PERCC1: variants seen among roughly 807,000 people sequenced by gnomAD.
PERCC1 encodes the protein proline and glutamate rich with coiled coil 1, also known as protein PERCC1.
rs1356156073 is a variant in PERCC1, at chr16:1,433,740, G to A, written c.*343G>A. On this transcript the variant is annotated 3_prime_UTR_variant, in exon 2 of 2. Transcript: ENST00000640283. ...AGATTCCAGGTGAGCAGCAAGGGGC[G>A]GTGGAGGACAGAGCCCCCCGAGCCA... Among the ~76,000 whole-genome samples, 2 of 152,178 alleles carry A rather than the reference G, an allele frequency of 1.3e-5. No individual in the cohort carries two copies. The highest frequency in any genetic ancestry group is 6.5e-5 in the Admixed American group (1 of 15,288).
In PERCC1 at chr16:1,433,187, G is replaced by A; in HGVS notation, c.594G>A (p.Leu198=). Residue 198 remains leucine (L), a synonymous_variant, in exon 2 of 2, where the codon CTG becomes CTA. Transcript: ENST00000640283. Reference sequence around the variant, plus strand: ...CAGCGGCCGGCTGGAGCCTGACGCTGGAGCGGAAGTACGGCCACATCACCC... The same window carrying A: ...CAGCGGCCGGCTGGAGCCTGACGCTAGAGCGGAAGTACGGCCACATCACCC... The part of the protein sequence containing the change: ...SRAAAGWSLT[L]ERKYGHITPM... 1 of 398,648 alleles carries A rather than the reference G, an allele frequency of 2.5e-6. No homozygotes were observed. The highest frequency in any genetic ancestry group is 4.4e-6 in the Non-Finnish European group (1 of 226,048). The allele number at this position is 398,648 out of a possible 1,614,324, so 24.7% of individuals were successfully genotyped here.
Position 1,433,030 on chromosome 16 carries a change from A to G in PERCC1, c.437A>G (p.Glu146Gly). Residue 146 changes from glutamate to glycine, a missense_variant, in exon 2 of 2, where the codon GAG becomes GGG. Physicochemically the swap from Glu to Gly is moderately conservative, Grantham distance 98. Coordinates refer to ENST00000640283, the MANE Select transcript of PERCC1 (RefSeq NM_001365310.2). ...GCCCGTGGCGGGTCCCTGGAGGACGAGGACACCCCGGAGCCCAGGGTACCC... is the reference window on the plus strand; with the variant it reads ...GCCCGTGGCGGGTCCCTGGAGGACGGGGACACCCCGGAGCCCAGGGTACCC... Reference protein sequence around the residue: ...RLARGGSLEDEDTPEPRVPQG... With the variant: ...RLARGGSLEDGDTPEPRVPQG... 2.5e-6 allele frequency: 1 copy of G among 398,644 alleles called. No homozygotes were observed. The highest frequency in any genetic ancestry group is 4.4e-6 in the Non-Finnish European group (1 of 226,038). 24.7% of individuals were successfully genotyped at this position (398,644 alleles called of 1,614,324 possible).
chr16:1,431,796 A>G (rs4984836), intron 1 of PERCC1, among the ~76,000 whole-genome samples: 140,357 of 152,194 alleles, frequency 0.92, 64,847 homozygotes, highest in East Asian at 1. Context: ...CCTGACCCAG[A>G]TACCTCACTT....
At position 1,434,374 on chromosome 16, in the gene PERCC1, A is replaced by T; in HGVS notation, c.*977A>T. ...GGCTGTCTCCCAGCACACATCAGGG[A>T]ACCTCAGCTCTAATGAGTACAAAGC... On this transcript the variant is annotated 3_prime_UTR_variant, in exon 2 of 2. Coordinates refer to ENST00000640283, the MANE Select transcript of PERCC1 (RefSeq NM_001365310.2). The T allele has an allele frequency of 1.9e-6, 3 of 1,545,500 alleles. No homozygotes were observed. Among genetic ancestry groups the T allele is most frequent in the Non-Finnish European group, 2.6e-6 (3 of 1,143,828 alleles).
Position 1,432,395 on chromosome 16 carries a change from C to G in PERCC1, c.-47-152C>G, listed in dbSNP as rs113661174. On this transcript the variant is annotated intron_variant, in intron 1 of 1. Coordinates refer to ENST00000640283, the MANE Select transcript of PERCC1 (RefSeq NM_001365310.2). ...CTCCATGCCTCACTCCTGTGGCAAT[C>G]CGTGCCCTCGACAAGCACAACTGGG... Among the ~76,000 whole-genome samples, 1,160 of 152,348 alleles carry G rather than the reference C, an allele frequency of 7.6e-3. 14 individuals are homozygous for G. Among genetic ancestry groups the G allele is most frequent in the African/African-American group, 0.027 (1,103 of 41,578 alleles).
intron 1 of PERCC1, among the ~76,000 whole-genome samples, chr16:1,432,223 T>C (rs986109660): frequency 3.3e-5 from 5 of 151,758 alleles, no homozygotes; most frequent in African/African-American, 1.2e-4. Context: ...AATGTCCCCA[T>C]GTCCCCAACT....
chr16:1,432,662 G>A lies in PERCC1; in HGVS notation c.69G>A (p.Leu23=). The A allele has an allele frequency of 2.5e-6, 1 of 400,556 alleles. No homozygotes were observed. Among genetic ancestry groups the A allele is most frequent in the Non-Finnish European group, 4.4e-6 (1 of 227,268 alleles). The allele number at this position is 400,556 out of a possible 1,614,324, so 24.8% of individuals were successfully genotyped here. ...QLPLLRHHPF[L]PSDPEPPETS... ...CCCTGCTGCGCCACCACCCCTTCCTGCCCTCAGATCCGGAGCCCCCAGAGA... is the reference window on the plus strand; with the variant it reads ...CCCTGCTGCGCCACCACCCCTTCCTACCCTCAGATCCGGAGCCCCCAGAGA... The change falls in exon 2 of 2, where the codon CTG becomes CTA. Residue 23 remains leucine (L), a synonymous_variant. Coordinates refer to ENST00000640283, the MANE Select transcript of PERCC1 (RefSeq NM_001365310.2).
In PERCC1 at chr16:1,432,816, G is replaced by A. The variant is rs943273619; in HGVS notation, c.223G>A (p.Glu75Lys). 6 of 398,472 alleles carry A rather than the reference G, an allele frequency of 1.5e-5. No individual in the cohort carries two copies. Among genetic ancestry groups the A allele is most frequent in the Admixed American group, 4.4e-5 (1 of 22,714 alleles). The allele number at this position is 398,472 out of a possible 1,614,324, so 24.7% of individuals were successfully genotyped here. A position where few individuals can be genotyped will look rare whatever the true frequency, so the allele number is the denominator to read the frequency against. The change falls in exon 2 of 2, where the codon GAG (glutamate) becomes AAG (lysine). Residue 75 changes from glutamate (E) to lysine (K), a missense_variant. Physicochemically the swap from Glu to Lys is moderately conservative, Grantham distance 56. Coordinates refer to ENST00000640283, the MANE Select transcript of PERCC1 (RefSeq NM_001365310.2). ...AGAGGCCACGGAGGAAGCAGCCCCC[G>A]AGGGTCCCGGCAGCCCCGAGACCCC... ...RAEATEEAAP[E>K]GPGSPETPLQ... is the part of the protein sequence containing the mutation.
At chr16:1,432,509 G>A in intron 1 of PERCC1, 38 bp from the exon 2 acceptor site, 3 of 398,574 alleles carry the variant, frequency 7.5e-6, no homozygotes. Flanking sequence ...GCATGGCCAG[G>A]CCTGACAGGG....
intron 1 of PERCC1, among the ~76,000 whole-genome samples, chr16:1,432,123 G>T (rs1034440182): frequency 5.9e-5 from 9 of 151,858 alleles, no homozygotes; most frequent in African/African-American, 1.9e-4. Flanking sequence ...CTGTTCCCCT[G>T]CCTGGCTTCT....
In PERCC1 at chr16:1,434,085, G is replaced by C. The variant is rs2038474863; in HGVS notation, c.*688G>C. Among the ~76,000 whole-genome samples, 1 of 152,222 alleles carries C rather than the reference G, an allele frequency of 6.6e-6. No homozygotes were observed. Among genetic ancestry groups the C allele is most frequent in the Non-Finnish European group, 1.5e-5 (1 of 68,016 alleles). On this transcript the variant is annotated 3_prime_UTR_variant, in exon 2 of 2. Transcript: ENST00000640283. ...ACCCGGGCAGGGGCAGCTCACAGCGGGTCCTGGCGGGGGCAGGCCTAGGTG... is the reference window on the plus strand; with the variant it reads ...ACCCGGGCAGGGGCAGCTCACAGCGCGTCCTGGCGGGGGCAGGCCTAGGTG...
Position 1,432,717 on chromosome 16 carries a change from GA to G in PERCC1, c.125del (p.Glu42GlyfsTer155). Reference protein sequence around the residue: ...TSEEEEEEEEEEEEEEGEGEG... With the variant: ...TSEEEEEEEEXEEEEEGEGEG... ...GGAGGAGGAAGAGGAGGAGGAGGAG[GA>G]GGAGGAGGAGGAGGAGGGCGAGGGC... On this transcript the variant is annotated frameshift_variant, in exon 2 of 2. Transcript: ENST00000640283. LOFTEE classifies it low-confidence loss of function (END_TRUNC). 2.5e-6 allele frequency: 1 copy of G among 400,330 alleles called. No homozygotes were observed. The highest frequency in any genetic ancestry group is 4.4e-6 in the Non-Finnish European group (1 of 227,664). The allele number at this position is 400,330 out of a possible 1,614,324, so 24.8% of individuals were successfully genotyped here. A position where few individuals can be genotyped will look rare whatever the true frequency, so the allele number is the denominator to read the frequency against.
rs115810228 is a variant in PERCC1 at position 1,434,324 on chromosome 16, C to T, written c.*927C>T. 1,939 of 1,483,400 alleles carry T rather than the reference C, an allele frequency of 1.3e-3. 21 individuals carry two copies. The African/African-American group carries it at 0.022, about 17-fold the overall frequency. The allele number at this position is 1,483,400 out of a possible 1,614,324, so 91.9% of individuals were successfully genotyped here. On this transcript the variant is annotated 3_prime_UTR_variant, in exon 2 of 2. Transcript: ENST00000640283. ...CCCGCTGCCAGGGACCTCGCCACCC[C>T]GCTCAGCCCCACAGGCCCTGGGTAG...
In PERCC1 at chr16:1,433,237, C is replaced by T. The variant is rs1175201479; in HGVS notation, c.644C>T (p.Pro215Leu). The change falls in exon 2 of 2, where the codon CCA becomes CTA. Residue 215 changes from proline (P) to leucine (L), a missense_variant. Coordinates refer to ENST00000640283, the MANE Select transcript of PERCC1 (RefSeq NM_001365310.2). Reference protein sequence around the residue: ...ITPMAQRKLPPSFWKEPTPSP... With the variant: ...ITPMAQRKLPLSFWKEPTPSP... ...CCCATGGCCCAGAGGAAGCTGCCCC[C>T]ATCCTTCTGGAAGGAGCCGACCCCT... The T allele has an allele frequency of 5.0e-6, 2 of 398,586 alleles. No individual in the cohort carries two copies. The highest frequency in any genetic ancestry group is 8.8e-6 in the Non-Finnish European group (2 of 226,048). The allele number at this position is 398,586 out of a possible 1,614,324, so 24.7% of individuals were successfully genotyped here.
chr16:1,434,264 G>A lies in PERCC1; in HGVS notation c.*867G>A. ...TGGGCAGGACAGGAAGAGTCATGGG[G>A]GTCAAGAGACTGGGTCCCTCCAAGC... On this transcript the variant is annotated 3_prime_UTR_variant, in exon 2 of 2. Coordinates refer to ENST00000640283, the MANE Select transcript of PERCC1 (RefSeq NM_001365310.2). 2.2e-6 allele frequency: 2 copies of A among 926,030 alleles called. No homozygotes were observed. The highest frequency in any genetic ancestry group is 1.7e-5 in the South Asian group (1 of 58,708). 57.4% of individuals were successfully genotyped at this position (926,030 alleles called of 1,614,324 possible).
Position 1,434,117 on chromosome 16 carries a change from C to T in PERCC1, c.*720C>T, listed in dbSNP as rs1451274420. Among the ~76,000 whole-genome samples, 2 of 152,316 alleles carry T rather than the reference C, an allele frequency of 1.3e-5. No individual in the cohort carries two copies. The highest frequency in any genetic ancestry group is 1.9e-4 in the East Asian group (1 of 5,176). On this transcript the variant is annotated 3_prime_UTR_variant, in exon 2 of 2. Transcript: ENST00000640283. ...GCGGGGGCAGGCCTAGGTGCTTCTG[C>T]GCAGGCCCTAGCCAAGCCCCTTCCA...
At position 1,433,504 on chromosome 16, in the gene PERCC1, C is replaced by T; in HGVS notation, c.*107C>T. ...AGCCTCCTCCGTCCCTCGCGGCCAC[C>T]ACAGGGCAAACCCAGAGGTCACCAG... is the stretch of plus-strand genomic sequence containing the variant. On this transcript the variant is annotated 3_prime_UTR_variant, in exon 2 of 2. Transcript: ENST00000640283. 1 of 398,158 alleles carries T rather than the reference C, an allele frequency of 2.5e-6. No homozygotes were observed. The highest frequency in any genetic ancestry group is 4.4e-6 in the Non-Finnish European group (1 of 226,326). 24.7% of individuals were successfully genotyped at this position (398,158 alleles called of 1,614,324 possible). A position where few individuals can be genotyped will look rare whatever the true frequency, so the allele number is the denominator to read the frequency against.
In PERCC1 at chr16:1,433,144, A is replaced by G. The variant is rs1425724322; in HGVS notation, c.551A>G (p.Gln184Arg). Residue 184 changes from glutamine to arginine, a missense_variant, in exon 2 of 2, where the codon CAG becomes CGG. By Grantham distance (43) the Gln-to-Arg change is conservative. Coordinates refer to ENST00000640283, the MANE Select transcript of PERCC1 (RefSeq NM_001365310.2). ...GAGCTCTTCGACTACGGGCTGCAGCAGTACTGGGGGTCCAGGGCAGCGGCC... is the reference window on the plus strand; with the variant it reads ...GAGCTCTTCGACTACGGGCTGCAGCGGTACTGGGGGTCCAGGGCAGCGGCC... The part of the protein sequence containing the change: ...LAELFDYGLQ[Q>R]YWGSRAAAGW... The G allele has an allele frequency of 5.0e-6, 2 of 398,602 alleles. No individual in the cohort carries two copies. The highest frequency in any genetic ancestry group is 8.8e-6 in the Non-Finnish European group (2 of 226,022). 24.7% of individuals were successfully genotyped at this position (398,602 alleles called of 1,614,324 possible). A position where few individuals can be genotyped will look rare whatever the true frequency, so the allele number is the denominator to read the frequency against.
intron 1 of PERCC1, 143 bp from the exon 2 acceptor site, chr16:1,432,404 C>T (rs1267740868): frequency 1.3e-5 from 5 of 397,208 alleles, no homozygotes; most frequent in East Asian, 7.1e-5. Context: ...TCCGTGCCCT[C>T]GACAAGCACA....
Sources: gnomAD v4.1 joint callset for allele counts (sites outside exome capture counted in the v4.1 genomes callset) on GRCh38, gnomAD v4.1.1 for gene constraint, MANE v1.5 for transcripts, NCBI Gene and HGNC (gene_info 2026-07-23, HGNC 2026-07-21) for gene names.